The following CARD14 variants were observed in gnomAD, a reference collection of about 807,000 sequenced individuals.
The protein encoded by CARD14 is caspase recruitment domain-containing protein 14.
A neutral mutation model predicts 111.5 loss-of-function variants in CARD14; 107 were observed. The observed-to-expected ratio is 0.96, with a 90% CI of 0.82 to 1.13. CARD14 has a LOEUF of 1.13. CARD14 is among the 50% of genes most tolerant of loss of function. CARD14 has a pLI of 0.00. For missense variants in CARD14, 1,322 were observed against 1,362.3 expected, an observed-to-expected ratio of 0.97 and a Z score of 0.47; for synonymous variants, 617 against 579.6, an observed-to-expected ratio of 1.06 and a Z score of -0.93.
chr17:80,180,207 C>CA (rs1175189321), intron 4 of CARD14, among the ~76,000 whole-genome samples: 1 of 152,126 alleles, frequency 6.6e-6, no homozygotes, highest in Non-Finnish European at 1.5e-5. Context: ...TTAGAGTCTG[C>CA]ACTAGCCAGC....
In CARD14 at chr17:80,195,365, G is replaced by A. The variant is rs1315326102; in HGVS notation, c.1499+32G>A. On this transcript the variant is annotated intron_variant, in intron 13 of 23. Transcript: ENST00000648509. This position sits in a 1 kb window ranked among gnomAD's most constrained non-coding sequence, Gnocchi z 4.7. ...CACTGGGGTCCTTCCTGGCACTGGG[G>A]TGGCACTGGGGTCCTTCCTGGCAAC... 1 of 1,590,672 alleles carries A rather than the reference G, an allele frequency of 6.3e-7. No individual in the cohort carries two copies. Among genetic ancestry groups the A allele is most frequent in the Non-Finnish European group, 8.6e-7 (1 of 1,164,466 alleles).
chr17:80,205,169 C>T lies in CARD14; in HGVS notation c.2533C>T (p.Leu845=), dbSNP rs1486223942. ...RAVGKILSEK[L]CLLQGFKKCL... is the part of the protein sequence containing the mutation. ...GGTTGGGAAGATCCTGAGCGAGAAACTGTGCCTCCTCCAAGGGTTTAAGAA... is the reference window on the plus strand; with the variant it reads ...GGTTGGGAAGATCCTGAGCGAGAAATTGTGCCTCCTCCAAGGGTTTAAGAA... Residue 845 remains leucine (L), a synonymous_variant, in exon 21 of 24, where the codon CTG becomes TTG. Coordinates refer to ENST00000648509, the MANE Select transcript of CARD14 (RefSeq NM_001366385.1). The T allele has an allele frequency of 2.5e-6, 4 of 1,613,648 alleles. No individual in the cohort carries two copies. Among genetic ancestry groups the T allele is most frequent in the Non-Finnish European group, 3.4e-6 (4 of 1,179,886 alleles).
chr17:80,182,772 G>A lies in CARD14; in HGVS notation c.331G>A (p.Asp111Asn). ...TLVTGLQPDV[D>N]FSNFSGLMET... ...GGTCACCGGGCTGCAGCCTGATGTT[G>A]ACTTCAGTAACTTTAGCGGTGAGAG... Residue 111 changes from aspartate (D) to asparagine (N), a missense_variant, in exon 6 of 24, where the codon GAC becomes AAC. Asp to Asn is a conservative substitution (Grantham distance 23). Coordinates refer to ENST00000648509, the MANE Select transcript of CARD14 (RefSeq NM_001366385.1). This position sits in a 1 kb window ranked among gnomAD's most constrained non-coding sequence, Gnocchi z 4.7. 1 of 1,614,186 alleles carries A rather than the reference G, an allele frequency of 6.2e-7. No individual in the cohort carries two copies. Among genetic ancestry groups the A allele is most frequent in the Non-Finnish European group, 8.5e-7 (1 of 1,180,030 alleles).
At chr17:80,199,231 G>A (rs191409195) in intron 16 of CARD14, among the ~76,000 whole-genome samples, 20 of 152,158 alleles carry the variant, frequency 1.3e-4, no homozygotes, top group East Asian at 5.8e-4. Flanking sequence ...GGTGGCTCAC[G>A]CCTGTAATCC....
chr17:80,200,229 A>ATTTTTTT (rs373332962), intron 16 of CARD14, among the ~76,000 whole-genome samples: 10 of 74,430 alleles, frequency 1.3e-4, no homozygotes, highest in Non-Finnish European at 2.1e-4. Flanking sequence ...TTTACATGTC[A>ATTTTTTT]TTTTTTTTTT....
At chr17:80,204,971 G>C (rs2041203386) in intron 20 of CARD14, 64 bp from the exon 21 acceptor site, 2 of 1,402,606 alleles carry the variant, frequency 1.4e-6, no homozygotes, top group Admixed American at 4.9e-5. Context: ...TCCCTCCCGG[G>C]GCAGGGTAGG....
rs1351143181 is a variant in CARD14, at chr17:80,182,605, C to G, written c.212-48C>G. 2.5e-6 allele frequency: 4 copies of G among 1,604,698 alleles called. No individual in the cohort carries two copies. In the South Asian group the frequency reaches 4.4e-5, roughly 18 times the overall value. On this transcript the variant is annotated intron_variant, in intron 5 of 23. Transcript: ENST00000648509. This position sits in a 1 kb window ranked among gnomAD's most constrained non-coding sequence, Gnocchi z 4.7. ...GGGGAAGCCAGCCAGGGAGCCCAGC[C>G]CCCTTGGTAGCTGGGTTCTGCCCAG...
At chr17:80,170,562 C>CGT (rs1300237877) in intron 1 of CARD14, 1 of 151,936 alleles carries the variant, frequency 6.6e-6, no homozygotes, top group Non-Finnish European at 1.5e-5. Flanking sequence ...TGTGCGTGTG[C>CGT]GTGTGTGTAT....
intron 4 of CARD14, among the ~76,000 whole-genome samples, chr17:80,180,700 A>C (rs1026385494): frequency 6.6e-6 from 1 of 151,898 alleles, no homozygotes; most frequent in Non-Finnish European, 1.5e-5. Context: ...TTCATAAAGA[A>C]CTTATAAAGC....
rs1200095836 is a variant in CARD14 at position 80,195,693 on chromosome 17, C to T, written c.1594+41C>T. The T allele has an allele frequency of 1.3e-6, 2 of 1,538,298 alleles. No individual in the cohort carries two copies. The highest frequency in any genetic ancestry group is 2.7e-5 in the African/African-American group (2 of 73,168). On this transcript the variant is annotated intron_variant, in intron 14 of 23. Coordinates refer to ENST00000648509, the MANE Select transcript of CARD14 (RefSeq NM_001366385.1). This position sits in a 1 kb window ranked among gnomAD's most constrained non-coding sequence, Gnocchi z 4.7. Reference sequence around the variant, plus strand: ...CCTGAACCTCCACAGCAGTCCACCTCCCCTGGGCAGAGCAGGGAGCTGATG... The same window carrying T: ...CCTGAACCTCCACAGCAGTCCACCTTCCCTGGGCAGAGCAGGGAGCTGATG...
intron 12 of CARD14, among the ~76,000 whole-genome samples, chr17:80,193,322 A>G (rs1442871857): frequency 2.7e-5 from 4 of 150,746 alleles, no homozygotes; most frequent in African/African-American, 4.9e-5. Flanking sequence ...TGGCACAGAC[A>G]GTCCCCAGAC....
intron 20 of CARD14, chr17:80,204,655 A>C: frequency 2.6e-6 from 1 of 385,598 alleles, no homozygotes. Flanking sequence ...GGAGAGGAGT[A>C]CAGGACAGAG....
At position 80,188,509 on chromosome 17, in the gene CARD14, G is replaced by C; in HGVS notation, c.808G>C (p.Glu270Gln). The change falls in exon 8 of 24, where the codon GAG becomes CAG. Residue 270 changes from glutamate (E) to glutamine (Q), a missense_variant. Glu to Gln is a conservative substitution (Grantham distance 29). Transcript: ENST00000648509. The surrounding 1 kb of genome is among the most constrained non-coding windows in gnomAD (Gnocchi z 4.5). Reference sequence around the variant, plus strand: ...TGAGGAGCTGAACCGCCTGAAGGAGGAGAATGAGAAACTGCGCTCGCTGAC... The same window carrying C: ...TGAGGAGCTGAACCGCCTGAAGGAGCAGAATGAGAAACTGCGCTCGCTGAC... Reference protein sequence around the residue: ...GDEELNRLKEENEKLRSLTFS... With the variant: ...GDEELNRLKEQNEKLRSLTFS... 1 of 1,552,556 alleles carries C rather than the reference G, an allele frequency of 6.4e-7. No individual in the cohort carries two copies. Among genetic ancestry groups the C allele is most frequent in the Non-Finnish European group, 8.7e-7 (1 of 1,149,364 alleles).
chr17:80,202,041 C>A, intron 17 of CARD14, 139 bp from the exon 18 acceptor site: 1 of 1,201,038 alleles, frequency 8.3e-7, no homozygotes, highest in Non-Finnish European at 1.2e-6. Flanking sequence ...CTGGAAACCT[C>A]CCACCCACTG....
chr17:80,181,761 A>C (rs2040185064), intron 5 of CARD14, 112 bp downstream of exon 5: 1 of 997,394 alleles, frequency 1.0e-6, no homozygotes, highest in Admixed American at 2.8e-5. Flanking sequence ...TTATAAAAAC[A>C]CTTGCTGTTG....
chr17:80,177,388 G>A lies in CARD14; in HGVS notation c.-366-1120G>A, dbSNP rs529324677. On this transcript the variant is annotated intron_variant, in intron 2 of 23. Transcript: ENST00000648509. ...ACTACAGGTGTGCACCACAACACCTGGCTAATTAAAAAAAAAATTTTTTTA... is the reference window on the plus strand; with the variant it reads ...ACTACAGGTGTGCACCACAACACCTAGCTAATTAAAAAAAAAATTTTTTTA... 3.9e-5 allele frequency among the ~76,000 whole-genome samples: 6 copies of A among 152,110 alleles called. No homozygotes were observed. In the South Asian group the frequency reaches 1.2e-3, roughly 32 times the overall value.
chr17:80,178,831 T>C (rs111938152), intron 3 of CARD14, among the ~76,000 whole-genome samples, 176 bp downstream of exon 3: 112 of 152,334 alleles, frequency 7.4e-4, no homozygotes, highest in Admixed American at 1.6e-3. Context: ...CTGCAACCTC[T>C]GCCTCCCAGG....
Position 80,195,156 on chromosome 17 carries a change from G to A in CARD14, c.1357-35G>A, listed in dbSNP as rs1315976028. On this transcript the variant is annotated intron_variant, in intron 12 of 23. Transcript: ENST00000648509. The surrounding 1 kb of genome is among the most constrained non-coding windows in gnomAD (Gnocchi z 4.7). ...GGGAGGAGTCTCAGGGTGTCCTCGT[G>A]CGTGCCCCACTGACTTCTGCCCTCC... The A allele has an allele frequency of 1.3e-6, 2 of 1,571,084 alleles. No homozygotes were observed. The highest frequency in any genetic ancestry group is 1.3e-5 in the African/African-American group (1 of 74,272).
At position 80,208,682 on chromosome 17, in the gene CARD14, A is replaced by C. The variant is rs1598731238; in HGVS notation, c.*337A>C. The C allele has an allele frequency of 4.0e-6, 1 of 247,444 alleles. No individual in the cohort carries two copies. The allele number at this position is 247,444 out of a possible 1,614,324, so 15.3% of individuals were successfully genotyped here. A position where few individuals can be genotyped will look rare whatever the true frequency, so the allele number is the denominator to read the frequency against. ...CGGAGGCCCCGGACTTCTCTGGAAAACCGCCTGTCTGCAGGCCCGATTCAA... is the reference window on the plus strand; with the variant it reads ...CGGAGGCCCCGGACTTCTCTGGAAACCCGCCTGTCTGCAGGCCCGATTCAA... On this transcript the variant is annotated 3_prime_UTR_variant, in exon 24 of 24. Transcript: ENST00000648509.
Sources: allele counts gnomAD v4.1 joint callset (sites outside exome capture counted in the v4.1 genomes callset), GRCh38; gene constraint gnomAD v4.1.1; non-coding constraint Gnocchi (gnomAD v3.1); transcripts MANE v1.5; gene names NCBI Gene and HGNC (gene_info 2026-07-23, HGNC 2026-07-21).